Variants in VWA5B1 observed in about 807,000 individuals in gnomAD.
The protein encoded by VWA5B1 is von Willebrand factor A domain containing 5B1, also known as von Willebrand factor A domain-containing protein 5B1.
Under a neutral mutation model 118.2 loss-of-function variants are expected in VWA5B1, and 115 were observed. That is an observed-to-expected ratio of 0.97 (90% CI 0.84 to 1.14). The LOEUF is 1.14. Among genes scored for constraint, VWA5B1 ranks in the 50% most tolerant of loss-of-function variants. The pLI is 0.00. For synonymous variants in VWA5B1, 682 were observed against 658.4 expected (o/e 1.04, Z -0.55); for missense variants, 1,596 against 1,603.8 (o/e 1.00, Z 0.08).
Position 20,357,023 on chromosome 1 carries a change from C to G in VWA5B1, c.*2760C>G, listed in dbSNP as rs2090242127. On this transcript the variant is annotated 3_prime_UTR_variant, in exon 22 of 22. Coordinates refer to ENST00000289815, the MANE Select transcript of VWA5B1 (RefSeq NM_001039500.3). ...CACATTGCCCCTGCAATCTCATTTACTTTGGGTTAATCTGGTTTAACTTGC... is the reference window on the plus strand; with the variant it reads ...CACATTGCCCCTGCAATCTCATTTAGTTTGGGTTAATCTGGTTTAACTTGC... Among the ~76,000 whole-genome samples, 1 of 152,220 alleles carries G rather than the reference C, an allele frequency of 6.6e-6. No individual in the cohort carries two copies. Among genetic ancestry groups the G allele is most frequent in the Non-Finnish European group, 1.5e-5 (1 of 68,040 alleles).
Position 20,337,379 on chromosome 1 carries a change from C to T in VWA5B1, c.1943-267C>T, listed in dbSNP as rs564333287. ...CTGGCCTCAAATGATCCACCCACCTCGGCTTCCCACAGAGCTGGGATTACA... is the reference window on the plus strand; with the variant it reads ...CTGGCCTCAAATGATCCACCCACCTTGGCTTCCCACAGAGCTGGGATTACA... On this transcript the variant is annotated intron_variant, in intron 13 of 21. Transcript: ENST00000289815. Among the ~76,000 whole-genome samples the T allele has an allele frequency of 2.6e-5, 4 of 152,244 alleles. No individual in the cohort carries two copies. In the South Asian group the frequency reaches 8.3e-4, roughly 32 times the overall value.
intron 16 of VWA5B1, among the ~76,000 whole-genome samples, chr1:20,344,793 A>C (rs1328063635): frequency 1.3e-5 from 2 of 152,136 alleles, no homozygotes; most frequent in Non-Finnish European, 2.9e-5. Context: ...TGTACGTGTT[A>C]CTTTTTTTCT....
intron 1 of VWA5B1, among the ~76,000 whole-genome samples, chr1:20,306,345 T>G (rs993307988): frequency 5.3e-5 from 8 of 151,300 alleles, no homozygotes; most frequent in Non-Finnish European, 1.2e-4. Flanking sequence ...AATGGGGGCT[T>G]GAGGGACGTG....
chr1:20,340,198 C>T (rs989715111), intron 14 of VWA5B1, among the ~76,000 whole-genome samples: 8 of 145,824 alleles, frequency 5.5e-5, no homozygotes, highest in Middle Eastern at 3.2e-3. Context: ...TATATGTGCG[C>T]GCACACACAC....
intron 7 of VWA5B1, chr1:20,322,963 G>A (rs1459887054): frequency 6.4e-6 from 1 of 157,300 alleles, no homozygotes; most frequent in African/African-American, 2.4e-5. Flanking sequence ...CACACTGAGT[G>A]TAAAAGCGAG....
rs1326395864 is a variant in VWA5B1, at chr1:20,328,012, G to A, written c.1254+12G>A. The A allele has an allele frequency of 3.0e-5, 46 of 1,549,524 alleles. No individual in the cohort carries two copies. Among genetic ancestry groups the A allele is most frequent in the Non-Finnish European group, 3.9e-5 (45 of 1,145,262 alleles). On this transcript the variant is annotated intron_variant, in intron 9 of 21. Transcript: ENST00000289815. ...AGACCTACAGTGAGGTAATGAGGGGGCAAGGCTGGGACCAGGAGGGTGGTG... is the reference window on the plus strand; with the variant it reads ...AGACCTACAGTGAGGTAATGAGGGGACAAGGCTGGGACCAGGAGGGTGGTG...
chr1:20,333,432 G>C (rs1357305654), intron 12 of VWA5B1, among the ~76,000 whole-genome samples: 1 of 152,210 alleles, frequency 6.6e-6, no homozygotes, highest in African/African-American at 2.4e-5. Context: ...AGCTAAGATC[G>C]TGCCATTGCA....
intron 1 of VWA5B1, among the ~76,000 whole-genome samples, chr1:20,305,972 C>T (rs1356455170): frequency 6.6e-6 from 1 of 152,144 alleles, no homozygotes; most frequent in African/African-American, 2.4e-5. Context: ...AAATATGTTT[C>T]ACCCCTTTCT....
chr1:20,306,318 C>A (rs1485527342), intron 1 of VWA5B1, among the ~76,000 whole-genome samples: 1 of 151,874 alleles, frequency 6.6e-6, no homozygotes. Flanking sequence ...GAAGGGAAAC[C>A]AGCGGGGGCT....
At chr1:20,314,229 GC>G in intron 3 of VWA5B1, 92 bp from the exon 4 acceptor site, 1 of 1,339,758 alleles carries the variant, frequency 7.5e-7, no homozygotes, top group Non-Finnish European at 1.0e-6. Flanking sequence ...TTTCCCATCA[GC>G]AAAATGGGCC....
intron 8 of VWA5B1, among the ~76,000 whole-genome samples, chr1:20,324,557 A>G (rs115098194): frequency 0.013 from 2,024 of 152,284 alleles, 43 homozygotes; most frequent in African/African-American, 0.046. Flanking sequence ...AAAGCCTTCT[A>G]TCTCTTTATT....
At chr1:20,305,398 TG>T (rs1462255018) in intron 1 of VWA5B1, among the ~76,000 whole-genome samples, 1 of 152,038 alleles carries the variant, frequency 6.6e-6, no homozygotes, top group East Asian at 1.9e-4. Context: ...TGGCAGGGCT[TG>T]GGAAACAGAG....
At chr1:20,313,508 G>C (rs1557837660) in intron 3 of VWA5B1, among the ~76,000 whole-genome samples, 3 of 152,216 alleles carry the variant, frequency 2.0e-5, no homozygotes, top group Non-Finnish European at 4.4e-5. Context: ...CTGCTACTGA[G>C]GAAACTGAGG....
In VWA5B1 at chr1:20,357,418, T is replaced by A. The variant is rs2090248881; in HGVS notation, c.*3155T>A. Among the ~76,000 whole-genome samples the A allele has an allele frequency of 1.3e-5, 2 of 152,226 alleles. No homozygotes were observed. Among genetic ancestry groups the A allele is most frequent in the Admixed American group, 1.3e-4 (2 of 15,286 alleles). On this transcript the variant is annotated 3_prime_UTR_variant, in exon 22 of 22. Coordinates refer to ENST00000289815, the MANE Select transcript of VWA5B1 (RefSeq NM_001039500.3). ...CAGTAGAAAGACAAACTTCTTTAGA[T>A]TAGGACAACCTGACCCGTTAATATG...
At chr1:20,337,976 C>G in intron 14 of VWA5B1, 140 bp downstream of exon 14, 1 of 1,061,760 alleles carries the variant, frequency 9.4e-7, no homozygotes, top group South Asian at 1.4e-5. Flanking sequence ...CTTCCCTAGG[C>G]CTTCATCTGC....
At chr1:20,328,346 G>A (rs538489546) in intron 9 of VWA5B1, among the ~76,000 whole-genome samples, 10 of 152,294 alleles carry the variant, frequency 6.6e-5, no homozygotes, top group Admixed American at 3.3e-4. Context: ...GATGATGGAC[G>A]CATGCAAGGT....
intron 12 of VWA5B1, among the ~76,000 whole-genome samples, chr1:20,333,240 G>A (rs181226836): frequency 1.4e-4 from 22 of 152,330 alleles, no homozygotes; most frequent in Admixed American, 9.8e-4. Context: ...TTGGGAGGCC[G>A]AGGCAGGAAG....
chr1:20,326,293 T>A (rs1253100157), intron 8 of VWA5B1, among the ~76,000 whole-genome samples: 1 of 152,036 alleles, frequency 6.6e-6, no homozygotes, highest in African/African-American at 2.4e-5. Flanking sequence ...CTCTTGCAGC[T>A]GTTTTCTTCT....
intron 4 of VWA5B1, 68 bp downstream of exon 4, chr1:20,314,660 A>G: frequency 6.6e-7 from 1 of 1,514,946 alleles, no homozygotes; most frequent in Non-Finnish European, 8.9e-7. Flanking sequence ...AGGTGACATT[A>G]GTAGGGGACA....
Sources: gnomAD v4.1 joint callset for allele counts (sites outside exome capture counted in the v4.1 genomes callset) on GRCh38, gnomAD v4.1.1 for gene constraint, MANE v1.5 for transcripts, NCBI Gene and HGNC (gene_info 2026-07-23, HGNC 2026-07-21) for gene names.